NRG1: variants seen among roughly 807,000 people sequenced by gnomAD.
NRG1 encodes the protein pro-neuregulin-1, membrane-bound isoform.
Under a neutral mutation model 63.8 loss-of-function variants are expected in NRG1, and 18 were observed. That is an observed-to-expected ratio of 0.28 (90% CI 0.19 to 0.42). The LOEUF (loss-of-function observed/expected upper bound fraction) is 0.42, where lower values mean the gene tolerates loss of function less well. Among genes scored for constraint, NRG1 ranks in the 10% least tolerant of loss-of-function variants. The pLI is 1.00. For missense variants in NRG1, 762 were observed against 814.7 expected (o/e 0.94, Z 0.79); for synonymous variants, 302 against 301.3 (o/e 1.00, Z -0.02).
In NRG1 at chr8:31,813,529, T is replaced by TTTTTTG. The variant is rs1554540804; in HGVS notation, c.37+174102_37+174103insTGTTTT. Among the ~76,000 whole-genome samples, 191 of 140,718 alleles carry TTTTTTG rather than the reference T, an allele frequency of 1.4e-3. 2 individuals are homozygous for TTTTTTG. The highest frequency in any genetic ancestry group is 3.0e-3 in the South Asian group (13 of 4,386). The allele number at this position is 140,718 out of a possible 152,430, so 92.3% of individuals were successfully genotyped here. Reference sequence around the variant, plus strand: ...TTCTTTTCTTTTCTTTTTTTTTTTTTTTTTGTTTTTTGAGACAGGTCTCCC... The same window carrying TTTTTTG: ...TTCTTTTCTTTTCTTTTTTTTTTTTTTTTTTGTTTTGTTTTTTGAGACAGGTCTCCC... On this transcript the variant is annotated intron_variant, in intron 1 of 10. Transcript: ENST00000519301.
intron 1 of NRG1, chr8:32,221,122 T>TA (rs1472744790): frequency 6.6e-6 from 1 of 150,956 alleles, no homozygotes; most frequent in Non-Finnish European, 1.5e-5. Flanking sequence ...TTAGCTACTT[T>TA]AAAAAATAAA....
intron 1 of NRG1, among the ~76,000 whole-genome samples, chr8:32,200,905 G>C (rs907473010): frequency 6.6e-6 from 1 of 152,052 alleles, no homozygotes; most frequent in Non-Finnish European, 1.5e-5. Context: ...GATACTTTAA[G>C]TCACCTGGCT....
chr8:31,942,006 C>A (rs1455887323), intron 1 of NRG1, among the ~76,000 whole-genome samples: 1 of 151,986 alleles, frequency 6.6e-6, no homozygotes, highest in Non-Finnish European at 1.5e-5. Context: ...TTCAAAATAC[C>A]ATCATCACTC....
intron 1 of NRG1, among the ~76,000 whole-genome samples, chr8:31,826,292 A>G (rs1158561813): frequency 6.6e-6 from 1 of 152,102 alleles, no homozygotes; most frequent in Non-Finnish European, 1.5e-5. Flanking sequence ...CTCTACTTGA[A>G]CTGTAGCTCC....
At chr8:32,500,312 G>A (rs556864061) in intron 1 of NRG1, among the ~76,000 whole-genome samples, 6 of 152,228 alleles carry the variant, frequency 3.9e-5, no homozygotes, top group South Asian at 4.2e-4. Flanking sequence ...CTATAGATTG[G>A]GGTGAATTTC....
At chr8:32,087,880 A>T (rs1169541051) in intron 1 of NRG1, among the ~76,000 whole-genome samples, 1 of 152,180 alleles carries the variant, frequency 6.6e-6, no homozygotes, top group East Asian at 1.9e-4. Context: ...TTCCAGGCAC[A>T]TCCACATTGT....
chr8:32,386,967 T>TAAA (rs371410098), intron 1 of NRG1, among the ~76,000 whole-genome samples: 1 of 151,808 alleles, frequency 6.6e-6, no homozygotes, highest in African/African-American at 2.4e-5. Context: ...CTCACATATG[T>TAAA]AAAAAAAAAT....
chr8:32,538,420 T>G (rs915203552), intron 1 of NRG1, among the ~76,000 whole-genome samples: 1 of 152,186 alleles, frequency 6.6e-6, no homozygotes, highest in Non-Finnish European at 1.5e-5. Context: ...CCATGATGGT[T>G]CATGAGAAAC....
intron 1 of NRG1, among the ~76,000 whole-genome samples, chr8:32,585,075 T>A (rs986989915): frequency 8.5e-5 from 13 of 152,220 alleles, no homozygotes; most frequent in African/African-American, 3.1e-4. Flanking sequence ...AATAAACACA[T>A]CAGAACAGAA....
chr8:32,193,341 C>T (rs1455466343), intron 1 of NRG1, among the ~76,000 whole-genome samples: 1 of 151,434 alleles, frequency 6.6e-6, no homozygotes, highest in Non-Finnish European at 1.5e-5. Context: ...TAATTCTCCT[C>T]AGTGTCAGGG....
At chr8:32,730,096 T>A (rs935013397) in intron 6 of NRG1, among the ~76,000 whole-genome samples, 5 of 152,100 alleles carry the variant, frequency 3.3e-5, no homozygotes, top group African/African-American at 1.2e-4. Context: ...CGGAAATAAA[T>A]AATTTTTATA....
intron 1 of NRG1, among the ~76,000 whole-genome samples, chr8:32,135,465 A>G (rs1364038780): frequency 6.6e-6 from 1 of 151,996 alleles, no homozygotes; most frequent in Non-Finnish European, 1.5e-5. Context: ...TTGGAGGTAG[A>G]GGAGGCAAGA....
intron 5 of NRG1, among the ~76,000 whole-genome samples, chr8:32,652,500 A>G: frequency 6.6e-6 from 1 of 151,180 alleles, no homozygotes; most frequent in Non-Finnish European, 1.5e-5. Context: ...TTTCCTTCCT[A>G]CCTTCCCAAT....
intron 1 of NRG1, among the ~76,000 whole-genome samples, chr8:31,885,250 T>C (rs1830631224): frequency 6.6e-6 from 1 of 152,096 alleles, no homozygotes; most frequent in African/African-American, 2.4e-5. Context: ...TTTTTGGATG[T>C]ATCAGAAGGG....
intron 1 of NRG1, among the ~76,000 whole-genome samples, chr8:31,843,894 C>T (rs1056827555): frequency 1.3e-5 from 2 of 152,120 alleles, no homozygotes; most frequent in African/African-American, 2.4e-5. Context: ...TAAGTATGCT[C>T]TTTAGTGGGA....
intron 1 of NRG1, among the ~76,000 whole-genome samples, chr8:31,660,130 C>T (rs1218507751): frequency 6.6e-6 from 1 of 152,094 alleles, no homozygotes; most frequent in East Asian, 1.9e-4. Flanking sequence ...TATGTGACAG[C>T]CATTATAATG....
intron 1 of NRG1, among the ~76,000 whole-genome samples, chr8:32,576,334 TG>T (rs1389957293): frequency 6.6e-6 from 1 of 152,220 alleles, no homozygotes; most frequent in African/African-American, 2.4e-5. Context: ...CTTCTTTTTT[TG>T]TTTTTTAAAA....
exon 12 of NRG1, chr8:32,765,743 T>G (rs1451953776): frequency 6.6e-6 from 1 of 152,162 alleles, no homozygotes; most frequent in Non-Finnish European, 1.5e-5. Context: ...CCCCCACCTG[T>G]GTCCTGACCT....
At chr8:31,649,778 T>A (rs1804654971) in intron 1 of NRG1, among the ~76,000 whole-genome samples, 1 of 152,152 alleles carries the variant, frequency 6.6e-6, no homozygotes, top group Non-Finnish European at 1.5e-5. Context: ...ATGAGAATAT[T>A]GTATTTTTAT....
Sources: gnomAD v4.1 joint callset for allele counts (sites outside exome capture counted in the v4.1 genomes callset) on GRCh38, gnomAD v4.1.1 for gene constraint, MANE v1.5 for transcripts, NCBI Gene and HGNC (gene_info 2026-07-23, HGNC 2026-07-21) for gene names.